The following ZNF678 variants were observed in gnomAD, a reference collection of about 807,000 sequenced individuals.
ZNF678 encodes the protein zinc finger protein 678, also known as hypothetical protein MGC42493.
A neutral mutation model predicts 3.0 loss-of-function variants in ZNF678; 5 were observed. The ratio of observed to expected loss-of-function variants is 1.69; its 90% confidence interval spans 0.88 to 3.56. The LOEUF (loss-of-function observed/expected upper bound fraction) is 3.56, where lower values mean the gene tolerates loss of function less well. Among genes scored for constraint, ZNF678 ranks in the 30% most tolerant of loss-of-function variants. The pLI is 0.00. For synonymous variants in ZNF678, 218 were observed against 199.6 expected, an observed-to-expected ratio of 1.09 and a Z score of -0.78; for missense variants, 593 against 605.0, an observed-to-expected ratio of 0.98 and a Z score of 0.21.
At chr1:227,637,907 G>T (rs1270705056) in intron 1 of ZNF678, among the ~76,000 whole-genome samples, 1 of 152,122 alleles carries the variant, frequency 6.6e-6, no homozygotes, top group African/African-American at 2.4e-5. Context: ...GACTGAGGGG[G>T]TGCATATTTT....
At chr1:227,648,845 A>C (rs1571912907) in intron 2 of ZNF678, among the ~76,000 whole-genome samples, 1 of 152,048 alleles carries the variant, frequency 6.6e-6, no homozygotes, top group East Asian at 1.9e-4. Flanking sequence ...AAAAAACAAA[A>C]AAACTGAAAA....
At chr1:227,633,015 G>A (rs1449674930) in intron 1 of ZNF678, among the ~76,000 whole-genome samples, 1 of 152,090 alleles carries the variant, frequency 6.6e-6, no homozygotes, top group Non-Finnish European at 1.5e-5. Context: ...AGCTTGATTA[G>A]GACAAACCCA....
At chr1:227,632,348 G>C (rs1021646690) in intron 1 of ZNF678, among the ~76,000 whole-genome samples, 4 of 152,098 alleles carry the variant, frequency 2.6e-5, no homozygotes, top group African/African-American at 9.7e-5. Flanking sequence ...TAGATTCAGA[G>C]GTAAGGAGAA....
chr1:227,570,614 A>T (rs1473299747), intron 1 of ZNF678, among the ~76,000 whole-genome samples: 1 of 151,434 alleles, frequency 6.6e-6, no homozygotes, highest in Non-Finnish European at 1.5e-5. Flanking sequence ...GATTACTGTC[A>T]TGAGCCACTG....
chr1:227,655,555 T>C lies in ZNF678; in HGVS notation c.1305T>C (p.Cys435=), dbSNP rs750880099. Residue 435 remains cysteine (C), a synonymous_variant, in exon 4 of 4, where the codon TGT becomes TGC. Coordinates refer to ENST00000343776, the MANE Select transcript of ZNF678 (RefSeq NM_001367909.1). The part of the protein sequence containing the change: ...RIHTGEKPYK[C]KECGKAFYQS... ...ATACTGGAGAGAAACCCTACAAATG[T>C]AAAGAATGTGGCAAAGCTTTTTACC... 2.5e-6 allele frequency: 4 copies of C among 1,612,398 alleles called. No homozygotes were observed. In the African/African-American group the frequency reaches 5.3e-5, roughly 22 times the overall value.
chr1:227,629,412 C>T (rs1658497739), intron 1 of ZNF678, among the ~76,000 whole-genome samples: 1 of 152,320 alleles, frequency 6.6e-6, no homozygotes, highest in East Asian at 1.9e-4. Flanking sequence ...AAGGAGTGGG[C>T]CTTTCAGGCA....
At chr1:227,598,904 C>A in intron 1 of ZNF678, 1 of 711,164 alleles carries the variant, frequency 1.4e-6, no homozygotes, top group Non-Finnish European at 2.6e-6. Context: ...GCTCTCACTT[C>A]CACTTAACAA....
intron 1 of ZNF678, among the ~76,000 whole-genome samples, chr1:227,569,855 A>G (rs76136704): frequency 1.7e-4 from 26 of 148,626 alleles, no homozygotes; most frequent in African/African-American, 2.2e-4. Flanking sequence ...CATAATATAG[A>G]CTTGCATTGG....
At chr1:227,575,098 A>G (rs577013618) in intron 1 of ZNF678, among the ~76,000 whole-genome samples, 45 of 152,172 alleles carry the variant, frequency 3.0e-4, no homozygotes, top group African/African-American at 9.6e-4. Context: ...GTTCTATTCC[A>G]TTGGTATATG....
intron 1 of ZNF678, among the ~76,000 whole-genome samples, chr1:227,637,339 A>AG (rs1658704654): frequency 1.3e-5 from 2 of 152,212 alleles, no homozygotes; most frequent in East Asian, 3.9e-4. Flanking sequence ...GATGAGACTT[A>AG]GTACATTGCG....
At chr1:227,672,760 A>G (rs1659622392) in intron 5 of ZNF678, among the ~76,000 whole-genome samples, 1 of 152,134 alleles carries the variant, frequency 6.6e-6, no homozygotes, top group Non-Finnish European at 1.5e-5. Flanking sequence ...TCTACCTCAC[A>G]GGACTAGCTT....
intron 1 of ZNF678, among the ~76,000 whole-genome samples, chr1:227,583,356 T>G (rs1046597044): frequency 3.4e-5 from 5 of 147,558 alleles, no homozygotes; most frequent in Non-Finnish European, 7.5e-5. Flanking sequence ...TTTTTTCTTT[T>G]TTTTTTTTTT....
intron 1 of ZNF678, among the ~76,000 whole-genome samples, chr1:227,608,687 C>A (rs1427579757): frequency 6.6e-6 from 1 of 152,104 alleles, no homozygotes; most frequent in Non-Finnish European, 1.5e-5. Flanking sequence ...TTCTATATAA[C>A]AGCAAGTTTC....
At position 227,628,916 on chromosome 1, in the gene ZNF678, T is replaced by G. The variant is rs1658483186; in HGVS notation, c.-163-17628T>G. 2.0e-5 allele frequency among the ~76,000 whole-genome samples: 3 copies of G among 152,298 alleles called. No homozygotes were observed. In the South Asian group the frequency reaches 6.2e-4, roughly 32 times the overall value. On this transcript the variant is annotated intron_variant, in intron 1 of 3. Coordinates refer to ENST00000343776, the MANE Select transcript of ZNF678 (RefSeq NM_001367909.1). ...GGCAAACAAGAATTGAGAGTCAGGA[T>G]GTACAGGGATGCAGAAAAAGGCAAC...
rs1434780171 is a variant in ZNF678 at position 227,660,982 on chromosome 1, A to G, written c.*5154A>G. 1.3e-5 allele frequency: 2 copies of G among 152,144 alleles called. No individual in the cohort carries two copies. Among genetic ancestry groups the G allele is most frequent in the African/African-American group, 4.8e-5 (2 of 41,432 alleles). The allele number at this position is 152,144 out of a possible 1,614,324, so 9.4% of individuals were successfully genotyped here. A position where few individuals can be genotyped will look rare whatever the true frequency, so the allele number is the denominator to read the frequency against. On this transcript the variant is annotated 3_prime_UTR_variant, in exon 4 of 4. Transcript: ENST00000343776. The stretch of plus-strand genomic sequence containing the variant: ...GTTATAATTGGTTCTGAGATCCTTC[A>G]TCTTTCTCAGAATCTAGGAGGATGC...
chr1:227,568,351 T>C (rs567851944), intron 1 of ZNF678, among the ~76,000 whole-genome samples: 5 of 151,988 alleles, frequency 3.3e-5, no homozygotes, highest in Admixed American at 3.3e-4. Flanking sequence ...GTTCAGGTGA[T>C]TGTTTATGAG....
At chr1:227,564,440 T>C (rs557727187) in intron 1 of ZNF678, among the ~76,000 whole-genome samples, 49 of 152,372 alleles carry the variant, frequency 3.2e-4, no homozygotes, top group African/African-American at 1.1e-3. Context: ...AATTGCCTGC[T>C]AATTATTTTA....
intron 1 of ZNF678, among the ~76,000 whole-genome samples, chr1:227,566,734 T>C (rs961215595): frequency 5.3e-5 from 8 of 152,334 alleles, no homozygotes; most frequent in African/African-American, 1.7e-4. Context: ...TTAGAAAATA[T>C]TTACAAAGGG....
Position 227,589,951 on chromosome 1 carries a change from T to C in ZNF678, c.-164+26227T>C, listed in dbSNP as rs1472617296. On this transcript the variant is annotated intron_variant, in intron 1 of 3. Coordinates refer to ENST00000343776, the MANE Select transcript of ZNF678 (RefSeq NM_001367909.1). ...TTGAGACTCTCACTCATTTTATTAG[T>C]GGGAGTTCTCACTTTTATCTTTACC... 2.0e-5 allele frequency among the ~76,000 whole-genome samples: 3 copies of C among 151,808 alleles called. 1 individual carries two copies. The highest frequency in any genetic ancestry group is 2.9e-5 in the Non-Finnish European group (2 of 67,968).
Sources: gnomAD v4.1 joint callset for allele counts (sites outside exome capture counted in the v4.1 genomes callset) on GRCh38, gnomAD v4.1.1 for gene constraint, MANE v1.5 for transcripts, NCBI Gene and HGNC (gene_info 2026-07-23, HGNC 2026-07-21) for gene names.